The following ADAM17 variants were observed in gnomAD, a reference collection of about 807,000 sequenced individuals.
ADAM17 encodes the protein ADAM metallopeptidase domain 17, also known as disintegrin and metalloproteinase domain-containing protein 17.
A neutral mutation model predicts 96.7 loss-of-function variants in ADAM17; 39 were observed. The ratio of observed to expected loss-of-function variants is 0.40; its 90% CI spans 0.31 to 0.53. The LOEUF (loss-of-function observed/expected upper bound fraction) is 0.53. Ranked by LOEUF, ADAM17 falls within the 20% of genes least tolerant of loss-of-function variation. The pLI, the probability that ADAM17 is intolerant of heterozygous loss-of-function variation, is 0.44. For synonymous variants in ADAM17, 344 were observed against 359.2 expected, an observed-to-expected ratio of 0.96 and a Z score of 0.48; for missense variants, 777 against 1,013.2, an observed-to-expected ratio of 0.77 and a Z score of 3.17.
At chr2:9,506,327 T>C (rs1663383852) in intron 11 of ADAM17, among the ~76,000 whole-genome samples, 1 of 148,638 alleles carries the variant, frequency 6.7e-6, no homozygotes, top group African/African-American at 2.5e-5. Flanking sequence ...ACAGAAATAC[T>C]AACTGGCTTT....
At chr2:9,497,048 G>T in intron 14 of ADAM17, 66 bp downstream of exon 14, 1 of 1,577,664 alleles carries the variant, frequency 6.3e-7, no homozygotes, top group Non-Finnish European at 8.6e-7. Context: ...CCAAATGGAG[G>T]AAGGGAGCCT....
At position 9,490,206 on chromosome 2, in the gene ADAM17, G is replaced by A. The variant is rs752730764; in HGVS notation, c.2446C>T (p.Arg816Cys). ...CACTCTGTTTCTTTGCTGTCAACAC[G>A]ATTCTGACGCTGCAGTTTAAAGGAG... The part of the protein sequence containing the change: ...AASFKLQRQN[R>C]VDSKETEC The change falls in exon 19 of 19, where the codon CGT becomes TGT. Residue 816 changes from arginine to cysteine, a missense_variant. By Grantham distance (180) the Arg-to-Cys change is radical. This residue lies in a region of ADAM17 where 197 missense variants were observed against 219.4 expected (regional missense o/e 0.90). Transcript: ENST00000310823. 22 of 1,598,708 alleles carry A rather than the reference G, an allele frequency of 1.4e-5. No homozygotes were observed. Among genetic ancestry groups the A allele is most frequent in the Admixed American group, 8.4e-5 (5 of 59,774 alleles).
At chr2:9,500,318 A>G (rs113568865) in intron 13 of ADAM17, among the ~76,000 whole-genome samples, 8 of 152,354 alleles carry the variant, frequency 5.3e-5, no homozygotes, top group African/African-American at 1.9e-4. Context: ...ACGAAACCAT[A>G]TTGTATAATT....
chr2:9,493,097 A>G (rs182977365), intron 16 of ADAM17, 111 bp from the exon 17 acceptor site: 2 of 837,140 alleles, frequency 2.4e-6, no homozygotes, highest in Non-Finnish European at 3.7e-6. Context: ...CTGGCTAGAC[A>G]TACTACCGAG....
At chr2:9,519,265 G>A (rs1190854692) in intron 8 of ADAM17, among the ~76,000 whole-genome samples, 1 of 152,116 alleles carries the variant, frequency 6.6e-6, no homozygotes, top group Non-Finnish European at 1.5e-5. Context: ...AATGAAGTGT[G>A]GTTACATGGG....
chr2:9,543,304 A>T lies in ADAM17; in HGVS notation c.98-19T>A, dbSNP rs938062483. The T allele has an allele frequency of 1.3e-6, 2 of 1,567,000 alleles. No individual in the cohort carries two copies. Among genetic ancestry groups the T allele is most frequent in the African/African-American group, 1.4e-5 (1 of 72,610 alleles). On this transcript the variant is annotated intron_variant, in intron 1 of 18. Coordinates refer to ENST00000310823, the MANE Select transcript of ADAM17 (RefSeq NM_003183.6). ...AGCTTCTCTGAAATAAAGGTAAAAA[A>T]GGTATTAGCATCTAAACCTAATAAT...
At chr2:9,493,104 C>A (rs577606519) in intron 16 of ADAM17, 118 bp from the exon 17 acceptor site, 7 of 778,582 alleles carry the variant, frequency 9.0e-6, no homozygotes, top group East Asian at 2.9e-5. Flanking sequence ...GACATACTAC[C>A]GAGAGCAGAA....
At chr2:9,523,224 A>G in intron 7 of ADAM17, 25 bp downstream of exon 7, 1 of 1,516,158 alleles carries the variant, frequency 6.6e-7, no homozygotes, top group Non-Finnish European at 9.1e-7. Context: ...CTTAAGTAAT[A>G]TAAGCCATAT....
intron 11 of ADAM17, among the ~76,000 whole-genome samples, chr2:9,508,846 A>G (rs1663567875): frequency 6.6e-6 from 1 of 152,208 alleles, no homozygotes. Flanking sequence ...AGGTTGGAAG[A>G]GTAGACAAAA....
intron 7 of ADAM17, 140 bp from the exon 8 acceptor site, chr2:9,521,456 G>C (rs540997388): frequency 3.8e-6 from 2 of 520,882 alleles, no homozygotes; most frequent in South Asian, 2.9e-5. Flanking sequence ...AAATTCTTCA[G>C]TACCAATATT....
intron 14 of ADAM17, among the ~76,000 whole-genome samples, chr2:9,495,087 C>T (rs969902056): frequency 2.0e-5 from 3 of 152,232 alleles, no homozygotes; most frequent in Non-Finnish European, 4.4e-5. Context: ...TTCCCTTTGT[C>T]CCAACTTTCT....
At chr2:9,508,562 C>A (rs936191472) in intron 11 of ADAM17, among the ~76,000 whole-genome samples, 1 of 152,210 alleles carries the variant, frequency 6.6e-6, no homozygotes, top group Non-Finnish European at 1.5e-5. Flanking sequence ...AGTAATCTCA[C>A]TCATGTCCTT....
intron 7 of ADAM17, chr2:9,522,496 A>G: frequency 9.1e-6 from 5 of 551,382 alleles, no homozygotes. Context: ...TAATTCTCTT[A>G]GTTTTATACA....
chr2:9,535,679 T>G (rs1392648556), intron 4 of ADAM17, among the ~76,000 whole-genome samples, 155 bp downstream of exon 4: 1 of 152,198 alleles, frequency 6.6e-6, no homozygotes, highest in Non-Finnish European at 1.5e-5. Context: ...TTCTTAGAGA[T>G]TATCCTTTTT....
chr2:9,520,515 T>G (rs886065657), intron 8 of ADAM17, among the ~76,000 whole-genome samples: 1 of 152,186 alleles, frequency 6.6e-6, no homozygotes, highest in Non-Finnish European at 1.5e-5. Context: ...ATTACTGCCC[T>G]AAAAGATAAA....
intron 10 of ADAM17, among the ~76,000 whole-genome samples, chr2:9,515,753 A>AAAAAAG (rs1212392483): frequency 0.013 from 1,875 of 148,880 alleles, 19 homozygotes; most frequent in Non-Finnish European, 0.018. Context: ...AAAAAAAAAG[A>AAAAAAG]AAAAAGAAAA....
chr2:9,498,384 T>C (rs929779316), intron 13 of ADAM17, among the ~76,000 whole-genome samples: 3 of 152,124 alleles, frequency 2.0e-5, no homozygotes, highest in African/African-American at 4.8e-5. Context: ...AGAGACAGGA[T>C]GGAATGAGTG....
intron 4 of ADAM17, 147 bp from the exon 5 acceptor site, chr2:9,528,101 T>C (rs1448876805): frequency 2.0e-6 from 1 of 512,602 alleles, no homozygotes; most frequent in Non-Finnish European, 3.1e-6. Flanking sequence ...ATAAATAATC[T>C]CAATTTTTAA....
Position 9,526,122 on chromosome 2 carries a change from T to C in ADAM17, c.742A>G (p.Thr248Ala). 6 of 1,606,136 alleles carry C rather than the reference T, an allele frequency of 3.7e-6. No homozygotes were observed. The highest frequency in any genetic ancestry group is 1.7e-5 in the Admixed American group (1 of 58,018). Residue 248 changes from threonine (T) to alanine (A), a missense_variant, in exon 6 of 19, where the codon ACA becomes GCA. Thr to Ala is a moderately conservative substitution (Grantham distance 58). Around this residue, in one of 3 missense-constraint regions of ADAM17, gnomAD observed 446 missense variants for 664.7 expected, o/e 0.67. Coordinates refer to ENST00000310823, the MANE Select transcript of ADAM17 (RefSeq NM_003183.6). ...YMGRGEESTT[T>A]NYLIELIDRV... ...TATCAAATACTTACTAAGTAATTTG[T>C]AGTTGTACTCTCTTCCCCTCTGCCC...
Sources: allele counts gnomAD v4.1 joint callset (sites outside exome capture counted in the v4.1 genomes callset), GRCh38; gene constraint gnomAD v4.1.1; regional missense constraint gnomAD v4.1.1; transcripts MANE v1.5; gene names NCBI Gene and HGNC (gene_info 2026-07-23, HGNC 2026-07-21).